The following STIMATE variants were observed in gnomAD, a reference collection of about 807,000 sequenced individuals.
STIMATE encodes the protein STIM activating enhancer, also known as store-operated calcium entry regulator STIMATE.
A neutral mutation model predicts 36.7 loss-of-function variants in STIMATE; 15 were observed. That is an observed-to-expected ratio of 0.41 (90% CI 0.27 to 0.63). The LOEUF is 0.63. Among genes scored for constraint, STIMATE ranks in the 20% least tolerant of loss-of-function variants. STIMATE has a pLI of 0.32. For synonymous variants in STIMATE, 163 were observed against 162.3 expected, an observed-to-expected ratio of 1.00 and a Z score of -0.03; for missense variants, 305 against 397.3, an observed-to-expected ratio of 0.77 and a Z score of 1.98.
chr3:52,871,720 T>C (rs766221726), intron 1 of STIMATE, among the ~76,000 whole-genome samples: 1 of 152,198 alleles, frequency 6.6e-6, no homozygotes, highest in Non-Finnish European at 1.5e-5. Context: ...AATAAAATTA[T>C]GTCACCCTCC....
chr3:52,865,395 G>A (rs1437528466), intron 1 of STIMATE, among the ~76,000 whole-genome samples: 2 of 152,136 alleles, frequency 1.3e-5, no homozygotes, highest in African/African-American at 4.8e-5. Flanking sequence ...CACTCTACTG[G>A]TACCAATTTA....
chr3:52,883,992 G>T (rs1292200427), intron 1 of STIMATE, among the ~76,000 whole-genome samples: 1 of 152,118 alleles, frequency 6.6e-6, no homozygotes, highest in African/African-American at 2.4e-5. Flanking sequence ...CATCATGATT[G>T]TTAGTTACAT....
At chr3:52,887,470 G>C (rs901781325) in intron 1 of STIMATE, among the ~76,000 whole-genome samples, 2 of 152,220 alleles carry the variant, frequency 1.3e-5, no homozygotes, top group Non-Finnish European at 2.9e-5. Context: ...GATGGGGGCA[G>C]TAGGCTCAGG....
At chr3:52,895,097 G>C (rs1338173746) in intron 1 of STIMATE, among the ~76,000 whole-genome samples, 1 of 152,234 alleles carries the variant, frequency 6.6e-6, no homozygotes, top group Admixed American at 6.5e-5. Context: ...CCAGGACAAA[G>C]CCAAATGGCT....
intron 1 of STIMATE, among the ~76,000 whole-genome samples, chr3:52,863,961 C>G (rs970307465): frequency 6.6e-6 from 1 of 152,242 alleles, no homozygotes; most frequent in African/African-American, 2.4e-5. Flanking sequence ...CAGGGTACAG[C>G]CTCCCTCCCG....
At chr3:52,873,344 A>G (rs1320565214) in intron 1 of STIMATE, among the ~76,000 whole-genome samples, 1 of 152,236 alleles carries the variant, frequency 6.6e-6, no homozygotes, top group Non-Finnish European at 1.5e-5. Flanking sequence ...CCTTAATAAC[A>G]GCAATTTTGA....
At chr3:52,851,273 AGTGGGAGACAAG>A (rs1700992639) in intron 3 of STIMATE, among the ~76,000 whole-genome samples, 1 of 152,248 alleles carries the variant, frequency 6.6e-6, no homozygotes, top group African/African-American at 2.4e-5. Flanking sequence ...TGGTAGACAG[AGTGGGAGACAAG>A]GGCACTGGGT....
Position 52,855,455 on chromosome 3 carries a change from AG to A in STIMATE, c.161-12del. ...CTCTGAAGCGTTTGACTGAAAGAAA[AG>A]ACAGACATCAGTAGTTTTCCAAAGA... On this transcript the variant is annotated splice_polypyrimidine_tract_variant and intron_variant, in intron 1 of 7. Transcript: ENST00000355083. 2 of 1,614,174 alleles carry A rather than the reference AG, an allele frequency of 1.2e-6. No homozygotes were observed. Among genetic ancestry groups the A allele is most frequent in the Non-Finnish European group, 1.7e-6 (2 of 1,180,002 alleles).
chr3:52,859,186 A>AAAAT (rs2106681300), intron 1 of STIMATE, among the ~76,000 whole-genome samples: 1 of 150,280 alleles, frequency 6.7e-6, no homozygotes, highest in South Asian at 2.1e-4. Flanking sequence ...TAAATAAAAT[A>AAAAT]AAATAAAATA....
rs935243994 is a variant in STIMATE, at chr3:52,843,593, G to C, written c.618+128C>G. On this transcript the variant is annotated intron_variant, in intron 6 of 7. Coordinates refer to ENST00000355083, the MANE Select transcript of STIMATE (RefSeq NM_198563.5). The stretch of plus-strand genomic sequence containing the variant: ...GCCATTTCCAGGTCTGGGGGTGGGA[G>C]AGGTGGCAAATGGTCACGCAAAAAG... 35 of 1,383,522 alleles carry C rather than the reference G, an allele frequency of 2.5e-5. No homozygotes were observed. The Middle Eastern group carries it at 1.1e-3, about 44-fold the overall frequency. The allele number at this position is 1,383,522 out of a possible 1,614,324, so 85.7% of individuals were successfully genotyped here. A position where few individuals can be genotyped will look rare whatever the true frequency, so the allele number is the denominator to read the frequency against.
chr3:52,871,242 G>A (rs1167203123), intron 1 of STIMATE, among the ~76,000 whole-genome samples: 2 of 152,078 alleles, frequency 1.3e-5, no homozygotes, highest in Non-Finnish European at 2.9e-5. Flanking sequence ...AACCCTCAAG[G>A]ATCACACCAT....
chr3:52,866,811 A>T (rs1208490453), intron 1 of STIMATE, among the ~76,000 whole-genome samples: 4 of 152,228 alleles, frequency 2.6e-5, no homozygotes, highest in Non-Finnish European at 5.9e-5. Context: ...CAAGTCAAAA[A>T]ACACAGGCGT....
intron 1 of STIMATE, among the ~76,000 whole-genome samples, chr3:52,892,211 G>A (rs1468192777): frequency 1.3e-5 from 2 of 152,166 alleles, no homozygotes. Context: ...GCCAACAGAG[G>A]TATTCAAAAG....
intron 1 of STIMATE, among the ~76,000 whole-genome samples, chr3:52,858,741 G>T (rs957391186): frequency 2.0e-5 from 3 of 152,234 alleles, no homozygotes; most frequent in African/African-American, 7.2e-5. Flanking sequence ...TATTGCAGGT[G>T]TGTCAGGATG....
In STIMATE at chr3:52,843,130, G is replaced by C. The variant is rs1700831968; in HGVS notation, c.619-170C>G. On this transcript the variant is annotated intron_variant, in intron 6 of 7. Transcript: ENST00000355083. ...CCCAAAGCTTAGAAAGAGATTCCCA[G>C]TCTCCACATCCTCGGGTTCAGTTTT... The C allele has an allele frequency of 2.6e-5, 32 of 1,251,886 alleles. 2 individuals carry two copies. The South Asian group carries it at 4.9e-4, about 19-fold the overall frequency. 77.5% of individuals were successfully genotyped at this position (1,251,886 alleles called of 1,614,324 possible).
In STIMATE at chr3:52,890,244, C is replaced by A. The variant is rs192332078; in HGVS notation, c.160+7047G>T. Among the ~76,000 whole-genome samples the A allele has an allele frequency of 1.5e-3, 234 of 152,350 alleles. 1 individual carries two copies. Among genetic ancestry groups the A allele is most frequent in the Non-Finnish European group, 2.7e-3 (181 of 68,040 alleles). ...GGACTGGGGACCAGTCTCAGCTCTTCGTCAAGGAAACATCCAATAGCGGGC... is the reference window on the plus strand; with the variant it reads ...GGACTGGGGACCAGTCTCAGCTCTTAGTCAAGGAAACATCCAATAGCGGGC... On this transcript the variant is annotated intron_variant, in intron 1 of 7. Transcript: ENST00000355083.
intron 1 of STIMATE, among the ~76,000 whole-genome samples, chr3:52,891,338 T>C (rs1388648911): frequency 6.6e-6 from 1 of 152,178 alleles, no homozygotes; most frequent in African/African-American, 2.4e-5. Context: ...ACCGCTTCTG[T>C]ACAGGGTTCC....
chr3:52,843,913 A>G, intron 5 of STIMATE, 115 bp from the exon 6 acceptor site: 1 of 1,387,988 alleles, frequency 7.2e-7, no homozygotes, highest in South Asian at 1.3e-5. Context: ...GCTTCCTCCA[A>G]AGCCCAATGG....
chr3:52,854,559 C>A (rs539081469), intron 2 of STIMATE, among the ~76,000 whole-genome samples: 33 of 152,256 alleles, frequency 2.2e-4, no homozygotes, highest in Non-Finnish European at 4.3e-4. Context: ...CCCTATGCAC[C>A]TCTTCATCTA....
Sources: allele counts gnomAD v4.1 joint callset (sites outside exome capture counted in the v4.1 genomes callset), GRCh38; gene constraint gnomAD v4.1.1; transcripts MANE v1.5; gene names NCBI Gene and HGNC (gene_info 2026-07-23, HGNC 2026-07-21).